Variants in CCDC179 observed in about 807,000 individuals in gnomAD.
The protein encoded by CCDC179 is coiled-coil domain-containing protein 179.
In CCDC179, 17 loss-of-function variants were observed where a neutral mutation model predicts 12.0. That is an observed-to-expected ratio of 1.42 (90% CI 0.97 to 2.13). CCDC179 has a LOEUF of 2.13. Ranked by LOEUF, CCDC179 falls within the 30% of genes most tolerant of loss-of-function variation. The probability of loss-of-function intolerance (pLI) is 0.00; values close to 1 mark genes in which losing one functional copy is unlikely to be tolerated. For synonymous variants in CCDC179, 27 were observed against 26.4 expected (o/e 1.02, Z -0.07); for missense variants, 83 against 78.6 (o/e 1.06, Z -0.21).
intron 3 of CCDC179, among the ~76,000 whole-genome samples, chr11:22,849,796 G>C (rs547455283): frequency 1.3e-5 from 2 of 152,072 alleles, no homozygotes; most frequent in African/African-American, 4.8e-5. Flanking sequence ...CCCAGGGTTC[G>C]TTGTCCCGTA....
intron 3 of CCDC179, among the ~76,000 whole-genome samples, chr11:22,857,670 C>A (rs1477897238): frequency 1.3e-5 from 2 of 151,590 alleles, no homozygotes; most frequent in Non-Finnish European, 3.0e-5. Flanking sequence ...TAACATATGG[C>A]AAAACAAGAA....
At chr11:22,853,751 G>A (rs553324986) in intron 3 of CCDC179, among the ~76,000 whole-genome samples, 2 of 150,568 alleles carry the variant, frequency 1.3e-5, no homozygotes, top group South Asian at 2.1e-4. Flanking sequence ...AAGAGAAGGA[G>A]GAGAAACAGA....
chr11:22,860,360 G>A lies in CCDC179; in HGVS notation c.45+17C>T. 6.5e-7 allele frequency: 1 copy of A among 1,535,314 alleles called. No individual in the cohort carries two copies. The highest frequency in any genetic ancestry group is 2.4e-5 in the East Asian group (1 of 40,828). ...ACAGAGTGGCAGAGTTGAGGTTGTA[G>A]GCCCCAGCAGACTCACAGGGTTGAC... On this transcript the variant is annotated intron_variant, in intron 1 of 3. Coordinates refer to ENST00000532798, the MANE Select transcript of CCDC179 (RefSeq NM_001195637.2).
At position 22,860,383 on chromosome 11, in the gene CCDC179, G is replaced by A. The variant is rs749281954; in HGVS notation, c.39C>T (p.Val13=). ...TAGGCCCCAGCAGACTCACAGGGTT[G>A]ACTTGGGAAGGCTCGATGTCCCAGC... is the stretch of plus-strand genomic sequence containing the variant. ...LYCWDIEPSQ[V]NPEGPRQHHP... is the part of the protein sequence containing the mutation. Residue 13 remains valine (V), a synonymous_variant, in exon 1 of 4, where the codon GTC becomes GTT. Transcript: ENST00000532798. The A allele has an allele frequency of 1.9e-5, 29 of 1,535,492 alleles. No homozygotes were observed. Among genetic ancestry groups the A allele is most frequent in the African/African-American group, 4.1e-5 (3 of 73,034 alleles).
intron 3 of CCDC179, among the ~76,000 whole-genome samples, chr11:22,850,976 A>AT (rs1164245496): frequency 1.6e-4 from 1 of 6,122 alleles, no homozygotes; most frequent in African/African-American, 3.1e-4. Flanking sequence ...ATATATATAT[A>AT]TTTTTTTTTT....
Position 22,847,504 on chromosome 11 carries a change from G to T in CCDC179, c.*6C>A. On this transcript the variant is annotated 3_prime_UTR_variant, in exon 4 of 4. Coordinates refer to ENST00000532798, the MANE Select transcript of CCDC179 (RefSeq NM_001195637.2). ...CATGGTTTCCTTCAAATAGACTCCT[G>T]CTTTATCAAGATGACCACTAGACAA... 7.0e-7 allele frequency: 1 copy of T among 1,433,224 alleles called. No homozygotes were observed. The highest frequency in any genetic ancestry group is 1.5e-5 in the South Asian group (1 of 68,816). The allele number at this position is 1,433,224 out of a possible 1,614,324, so 88.8% of individuals were successfully genotyped here.
chr11:22,850,247 G>A (rs953603993), intron 3 of CCDC179, among the ~76,000 whole-genome samples: 5 of 152,142 alleles, frequency 3.3e-5, no homozygotes, highest in Admixed American at 6.5e-5. Context: ...AAATGATTTG[G>A]AGCTGCTTTT....
chr11:22,853,614 T>A (rs1276661037), intron 3 of CCDC179, among the ~76,000 whole-genome samples: 3 of 142,528 alleles, frequency 2.1e-5, no homozygotes, highest in Non-Finnish European at 3.0e-5. Context: ...ATTCAAGAAC[T>A]GAGCAACAAT....
At chr11:22,859,251 A>G (rs190371899) in intron 2 of CCDC179, among the ~76,000 whole-genome samples, 1 of 152,196 alleles carries the variant, frequency 6.6e-6, no homozygotes, top group South Asian at 2.1e-4. Flanking sequence ...CAAATGTTAC[A>G]TTAAAAAATA....
rs1209436327 is a variant in CCDC179 at position 22,849,357 on chromosome 11, C to A, written c.196-1836G>T. Reference sequence around the variant, plus strand: ...CTTAGGATTTTCATATTTAATATATCTTATTTTGCATATTCTTACTTATTT... The same window carrying A: ...CTTAGGATTTTCATATTTAATATATATTATTTTGCATATTCTTACTTATTT... On this transcript the variant is annotated intron_variant, in intron 3 of 3. Coordinates refer to ENST00000532798, the MANE Select transcript of CCDC179 (RefSeq NM_001195637.2). Among the ~76,000 whole-genome samples, 3 of 152,038 alleles carry A rather than the reference C, an allele frequency of 2.0e-5. No individual in the cohort carries two copies. In the East Asian group the frequency reaches 5.8e-4, roughly 29 times the overall value.
At chr11:22,858,294 T>A in intron 2 of CCDC179, 1 of 238,966 alleles carries the variant, frequency 4.2e-6, no homozygotes, top group Non-Finnish European at 8.0e-6. Flanking sequence ...CTTAAGTAGA[T>A]CCAGACTCAT....
chr11:22,850,293 C>T (rs1858343020), intron 3 of CCDC179, among the ~76,000 whole-genome samples: 1 of 152,154 alleles, frequency 6.6e-6, no homozygotes, highest in Non-Finnish European at 1.5e-5. Context: ...ACTTCCATAC[C>T]CTTACTATCT....
chr11:22,856,884 A>G (rs1175253903), intron 3 of CCDC179, among the ~76,000 whole-genome samples: 2 of 151,594 alleles, frequency 1.3e-5, no homozygotes, highest in Non-Finnish European at 3.0e-5. Context: ...TATGCCAGCA[A>G]TGAACAATTT....
At chr11:22,855,147 C>T (rs906185226) in intron 3 of CCDC179, among the ~76,000 whole-genome samples, 1 of 151,642 alleles carries the variant, frequency 6.6e-6, no homozygotes, top group Admixed American at 6.6e-5. Context: ...ATTGACAGAT[C>T]TAGCAGGCAG....
Position 22,859,495 on chromosome 11 carries a change from T to C in CCDC179, c.47A>G (p.Glu16Gly), listed in dbSNP as rs1036392166. The stretch of plus-strand genomic sequence containing the variant: ...TGAAGGATGATGTTGTCTTGGTCCT[T>C]CCTATATAATAAACAAAATTAAAAC... ...WDIEPSQVNP[E>G]GPRQHHPSEV... The change falls in exon 2 of 4, where the codon GAA (glutamate) becomes GGA (glycine). Residue 16 changes from glutamate (E) to glycine (G), a missense_variant and splice_region_variant. Coordinates refer to ENST00000532798, the MANE Select transcript of CCDC179 (RefSeq NM_001195637.2). The C allele has an allele frequency of 6.8e-7, 1 of 1,470,146 alleles. No homozygotes were observed. Among genetic ancestry groups the C allele is most frequent in the Admixed American group, 2.1e-5 (1 of 47,046 alleles). 91.1% of individuals were successfully genotyped at this position (1,470,146 alleles called of 1,614,324 possible). A position where few individuals can be genotyped will look rare whatever the true frequency, so the allele number is the denominator to read the frequency against.
chr11:22,847,726 A>G (rs1858258400), intron 3 of CCDC179, among the ~76,000 whole-genome samples: 1 of 152,154 alleles, frequency 6.6e-6, no homozygotes, highest in Non-Finnish European at 1.5e-5. Context: ...CAGATACAAA[A>G]ATAATTATCA....
chr11:22,851,060 A>G (rs1195555281), intron 3 of CCDC179, among the ~76,000 whole-genome samples: 2 of 132,870 alleles, frequency 1.5e-5, no homozygotes, highest in Middle Eastern at 4.5e-3. Flanking sequence ...ATCTTGGCTC[A>G]CTGCAAGCTC....
In CCDC179 at chr11:22,860,459, C is replaced by T. The variant is rs1272732768; in HGVS notation, c.-38G>A. ...TAGGGCGCCCCCTGACGCCTACTGC[C>T]TGTCCTGGACCAAATGATTATGGGG... On this transcript the variant is annotated 5_prime_UTR_variant, in exon 1 of 4. Coordinates refer to ENST00000532798, the MANE Select transcript of CCDC179 (RefSeq NM_001195637.2). The T allele has an allele frequency of 3.3e-6, 5 of 1,519,034 alleles. No individual in the cohort carries two copies. The African/African-American group carries it at 6.9e-5, about 21-fold the overall frequency. 94.1% of individuals were successfully genotyped at this position (1,519,034 alleles called of 1,614,324 possible).
rs1349594338 is a variant in CCDC179, at chr11:22,854,202, G to A, written c.195+3720C>T. Among the ~76,000 whole-genome samples the A allele has an allele frequency of 2.0e-5, 3 of 151,696 alleles. No homozygotes were observed. The East Asian group carries it at 5.8e-4, about 29-fold the overall frequency. On this transcript the variant is annotated intron_variant, in intron 3 of 3. Coordinates refer to ENST00000532798, the MANE Select transcript of CCDC179 (RefSeq NM_001195637.2). ...GGCTTGCCCACACAGCAATAGTTAA[G>A]AAGTTTTCAGAGAAAAGGAAAATGT...
Sources: gnomAD v4.1 joint callset for allele counts (sites outside exome capture counted in the v4.1 genomes callset) on GRCh38, gnomAD v4.1.1 for gene constraint, MANE v1.5 for transcripts, NCBI Gene and HGNC (gene_info 2026-07-23, HGNC 2026-07-21) for gene names.